The following CADM2 variants were observed in gnomAD, a reference collection of about 807,000 sequenced individuals.
CADM2 encodes the protein immunoglobulin superfamily member 4D.
A neutral mutation model predicts 49.8 loss-of-function variants in CADM2; 12 were observed. The observed-to-expected ratio is 0.24, with a 90% CI of 0.15 to 0.39. The LOEUF (loss-of-function observed/expected upper bound fraction) is 0.39. CADM2 is among the 10% of genes least tolerant of loss of function. The pLI, the probability that CADM2 is intolerant of heterozygous loss-of-function variation, is 1.00. For missense variants in CADM2, 378 were observed against 492.3 expected, an observed-to-expected ratio of 0.77 and a Z score of 2.20; for synonymous variants, 214 against 175.4, an observed-to-expected ratio of 1.22 and a Z score of -1.74.
At chr3:85,412,160 C>T (rs1374774006) in intron 1 of CADM2, among the ~76,000 whole-genome samples, 2 of 152,028 alleles carry the variant, frequency 1.3e-5, no homozygotes, top group Non-Finnish European at 2.9e-5. Context: ...AAGCCTTACA[C>T]ATATATAGAA....
At chr3:85,468,043 A>G (rs1397390758) in intron 1 of CADM2, among the ~76,000 whole-genome samples, 1 of 148,992 alleles carries the variant, frequency 6.7e-6, no homozygotes, top group African/African-American at 2.5e-5. Flanking sequence ...AGTCCCAGCT[A>G]CTTGGGAGGC....
chr3:85,593,868 T>C (rs970528845), intron 1 of CADM2, among the ~76,000 whole-genome samples: 2 of 151,998 alleles, frequency 1.3e-5, no homozygotes, highest in African/African-American at 4.8e-5. Flanking sequence ...TTCCCTCATA[T>C]GAACAGATGG....
rs535779135 is a variant in CADM2 at position 85,262,724 on chromosome 3, C to T, written c.61+303056C>T. On this transcript the variant is annotated intron_variant, in intron 1 of 9. Transcript: ENST00000383699. ...ACTGGGAAAGAAACATCCTGATATCCAGGAAACTTTCCAATACACAGTTTT... is the reference window on the plus strand; with the variant it reads ...ACTGGGAAAGAAACATCCTGATATCTAGGAAACTTTCCAATACACAGTTTT... Among the ~76,000 whole-genome samples, 4 of 152,124 alleles carry T rather than the reference C, an allele frequency of 2.6e-5. No homozygotes were observed. The South Asian group carries it at 8.3e-4, about 32-fold the overall frequency.
chr3:85,076,602 C>T (rs1239497821), intron 1 of CADM2, among the ~76,000 whole-genome samples: 2 of 151,862 alleles, frequency 1.3e-5, no homozygotes, highest in Non-Finnish European at 2.9e-5. Flanking sequence ...CTGCTTTGGC[C>T]TCCCAAAATG....
At chr3:85,960,657 T>C (rs1293647034) in intron 7 of CADM2, among the ~76,000 whole-genome samples, 1 of 151,946 alleles carries the variant, frequency 6.6e-6, no homozygotes, top group East Asian at 1.9e-4. Flanking sequence ...ATTTCTATCA[T>C]TAATTATTAC....
intron 1 of CADM2, among the ~76,000 whole-genome samples, chr3:85,485,123 T>C: frequency 1.3e-5 from 2 of 151,988 alleles, no homozygotes; most frequent in South Asian, 2.1e-4. Context: ...TAAAACATGC[T>C]TCAATATTCA....
rs192524955 is a variant in CADM2, at chr3:85,918,549, G to T, written c.700+6006G>T. Reference sequence around the variant, plus strand: ...AGCTTTTTGATGTGTTGCTGGATTCGGTTTGCCAGCATTTTATTGAGGATT... The same window carrying T: ...AGCTTTTTGATGTGTTGCTGGATTCTGTTTGCCAGCATTTTATTGAGGATT... On this transcript the variant is annotated intron_variant, in intron 6 of 9. Transcript: ENST00000383699. 5.9e-3 allele frequency among the ~76,000 whole-genome samples: 892 copies of T among 152,080 alleles called. 5 individuals carry two copies. Among genetic ancestry groups the T allele is most frequent in the Middle Eastern group, 0.024 (7 of 294 alleles).
chr3:85,976,358 G>A (rs773270557), intron 8 of CADM2, among the ~76,000 whole-genome samples: 4 of 151,550 alleles, frequency 2.6e-5, no homozygotes, highest in Non-Finnish European at 4.4e-5. Context: ...GAAAGTTTAG[G>A]TAGAAGACAG....
intron 2 of CADM2, among the ~76,000 whole-genome samples, chr3:85,739,390 T>A (rs1340314358): frequency 6.6e-6 from 1 of 152,130 alleles, no homozygotes; most frequent in Non-Finnish European, 1.5e-5. Context: ...TTTAGATACA[T>A]TCTATGTTAT....
chr3:85,566,371 A>C lies in CADM2; in HGVS notation c.62-160151A>C, dbSNP rs182947330. On this transcript the variant is annotated intron_variant, in intron 1 of 9. Transcript: ENST00000383699. ...AGTAACTGATACTGGGTGGAATTTTATTATAAAATTCTTTTTTTAAGAAGT... is the reference window on the plus strand; with the variant it reads ...AGTAACTGATACTGGGTGGAATTTTCTTATAAAATTCTTTTTTTAAGAAGT... Among the ~76,000 whole-genome samples the C allele has an allele frequency of 9.1e-4, 139 of 152,116 alleles. 1 individual carries two copies. The highest frequency in any genetic ancestry group is 3.7e-3 in the South Asian group (18 of 4,820).
chr3:85,442,803 C>A (rs972144496), intron 1 of CADM2, among the ~76,000 whole-genome samples: 11 of 151,180 alleles, frequency 7.3e-5, no homozygotes, highest in African/African-American at 2.4e-4. Context: ...TTGAAGAGAA[C>A]TTCCAATGAG....
intron 6 of CADM2, among the ~76,000 whole-genome samples, chr3:85,924,326 A>T (rs1472563535): frequency 7.9e-5 from 12 of 152,166 alleles, no homozygotes; most frequent in Admixed American, 7.9e-4. Context: ...ACAGTGGTTC[A>T]CGCTTGTAAT....
At chr3:85,618,234 G>A (rs534711117) in intron 1 of CADM2, among the ~76,000 whole-genome samples, 1 of 152,008 alleles carries the variant, frequency 6.6e-6, no homozygotes, top group Admixed American at 6.6e-5. Context: ...GAGATATCCC[G>A]GGATCAGAAT....
At chr3:86,012,664 G>A in intron 8 of CADM2, 1 of 1,420,648 alleles carries the variant, frequency 7.0e-7, no homozygotes, top group Non-Finnish European at 9.8e-7. Context: ...AGGAGTGGGT[G>A]GAGAATTGTA....
At chr3:85,998,733 T>G (rs763800502) in intron 8 of CADM2, among the ~76,000 whole-genome samples, 1 of 152,064 alleles carries the variant, frequency 6.6e-6, no homozygotes, top group Non-Finnish European at 1.5e-5. Flanking sequence ...TGATATAGTA[T>G]GATGGATGGA....
intron 1 of CADM2, among the ~76,000 whole-genome samples, chr3:85,168,538 A>G (rs905616963): frequency 6.6e-6 from 1 of 152,202 alleles, no homozygotes; most frequent in African/African-American, 2.4e-5. Flanking sequence ...AAGAAACATA[A>G]TTCAGACATT....
At chr3:85,646,460 G>A (rs2064889556) in intron 1 of CADM2, among the ~76,000 whole-genome samples, 1 of 151,922 alleles carries the variant, frequency 6.6e-6, no homozygotes, top group African/African-American at 2.4e-5. Context: ...AAGTATTCTG[G>A]TGCAATAGAA....
intron 5 of CADM2, among the ~76,000 whole-genome samples, chr3:85,909,562 T>C (rs1427470281): frequency 6.6e-6 from 1 of 152,142 alleles, no homozygotes; most frequent in Non-Finnish European, 1.5e-5. Flanking sequence ...CACTGTACTC[T>C]TGCTCCTCAA....
At chr3:85,841,441 T>C (rs368631483) in intron 3 of CADM2, among the ~76,000 whole-genome samples, 1 of 152,012 alleles carries the variant, frequency 6.6e-6, no homozygotes, top group Non-Finnish European at 1.5e-5. Context: ...ATTACTTTCA[T>C]TTCCATATTA....
Sources: gnomAD v4.1 joint callset for allele counts (sites outside exome capture counted in the v4.1 genomes callset) on GRCh38, gnomAD v4.1.1 for gene constraint, MANE v1.5 for transcripts, NCBI Gene and HGNC (gene_info 2026-07-23, HGNC 2026-07-21) for gene names.